Variants in ELFN1 observed in about 807,000 individuals in gnomAD.
ELFN1 encodes protein ELFN1.
In ELFN1, 6 loss-of-function variants were observed where a neutral mutation model predicts 7.6. The observed-to-expected ratio is 0.79, with a 90% CI of 0.43 to 1.56. The LOEUF (loss-of-function observed/expected upper bound fraction) is 1.56. ELFN1 is among the 40% of genes most tolerant of loss of function. The pLI is 0.01. For missense variants in ELFN1, 1,169 were observed against 1,232.2 expected (o/e 0.95, Z 0.77); for synonymous variants, 657 against 588.1 (o/e 1.12, Z -1.70).
chr7:1,724,874 C>G (rs1310242325), intron 3 of ELFN1, among the ~76,000 whole-genome samples: 1 of 152,214 alleles, frequency 6.6e-6, no homozygotes, highest in Non-Finnish European at 1.5e-5. Context: ...CTGTGTCAGC[C>G]TCTTTGCCAA....
At chr7:1,693,091 G>C (rs1562361893) in intron 2 of ELFN1, 1 of 328,486 alleles carries the variant, frequency 3.0e-6, no homozygotes, top group Non-Finnish European at 6.1e-6. Flanking sequence ...AGCTGGGCTG[G>C]CCCGTCCTTC....
chr7:1,715,385 T>C (rs996872539), intron 3 of ELFN1, among the ~76,000 whole-genome samples: 3 of 152,152 alleles, frequency 2.0e-5, no homozygotes, highest in African/African-American at 7.2e-5. Flanking sequence ...CTTCTCCTCA[T>C]AGGAGCCCGG....
At chr7:1,696,132 G>A (rs1270777265) in intron 2 of ELFN1, among the ~76,000 whole-genome samples, 1 of 152,082 alleles carries the variant, frequency 6.6e-6, no homozygotes, top group African/African-American at 2.4e-5. Flanking sequence ...TTTGCAGATG[G>A]CTACCTTCTC....
Position 1,744,781 on chromosome 7 carries a change from T to C in ELFN1, c.185T>C (p.Ile62Thr). The C allele has an allele frequency of 6.4e-7, 1 of 1,555,724 alleles. No homozygotes were observed. Among genetic ancestry groups the C allele is most frequent in the Non-Finnish European group, 8.7e-7 (1 of 1,149,172 alleles). The part of the protein sequence containing the change: ...EAIPQQINST[I>T]VDLRLNENRI... ...ATCCCACAGCAGATCAACAGCACCA[T>C]CGTGGACCTGCGGCTCAACGAGAAC... The change falls in exon 4 of 4, where the codon ATC becomes ACC. Residue 62 changes from isoleucine (I) to threonine (T), a missense_variant. Coordinates refer to ENST00000424383, the MANE Select transcript of ELFN1 (RefSeq NM_001128636.4).
intron 3 of ELFN1, among the ~76,000 whole-genome samples, chr7:1,721,225 C>G (rs947145157): frequency 1.2e-4 from 18 of 152,198 alleles, no homozygotes; most frequent in African/African-American, 4.3e-4. Context: ...TGATCACTCA[C>G]TCACCCTCCT....
rs936896755 is a variant in ELFN1 at position 1,680,251 on chromosome 7, A to G, written c.-548-7807A>G. On this transcript the variant is annotated intron_variant, in intron 1 of 3. Transcript: ENST00000424383. ...TGGAACACCCCTTGGAGGAGTGCCCAAGGCAGATCACGTAGGGGAACAAAT... is the reference window on the plus strand; with the variant it reads ...TGGAACACCCCTTGGAGGAGTGCCCGAGGCAGATCACGTAGGGGAACAAAT... Among the ~76,000 whole-genome samples, 5 of 152,214 alleles carry G rather than the reference A, an allele frequency of 3.3e-5. 1 individual carries two copies. The highest frequency in any genetic ancestry group is 1.2e-4 in the African/African-American group (5 of 41,450).
chr7:1,687,050 C>T (rs984376451), intron 1 of ELFN1, among the ~76,000 whole-genome samples: 2 of 151,968 alleles, frequency 1.3e-5, no homozygotes, highest in African/African-American at 2.4e-5. Flanking sequence ...CAGCCCCTGA[C>T]AGCAAAGCTG....
At chr7:1,693,164 A>T in intron 2 of ELFN1, 1 of 362,438 alleles carries the variant, frequency 2.8e-6, no homozygotes, top group Non-Finnish European at 5.6e-6. Context: ...TAGTGACCAG[A>T]TGCTGGGTTC....
intron 3 of ELFN1, among the ~76,000 whole-genome samples, chr7:1,722,782 T>A (rs1780063199): frequency 6.6e-6 from 1 of 152,200 alleles, no homozygotes; most frequent in Non-Finnish European, 1.5e-5. Context: ...ATAAAATATT[T>A]AATACAATCA....
At chr7:1,724,288 GA>G (rs1323563473) in intron 3 of ELFN1, among the ~76,000 whole-genome samples, 4 of 152,188 alleles carry the variant, frequency 2.6e-5, no homozygotes, top group Non-Finnish European at 5.9e-5. Flanking sequence ...GTGCTGGGCA[GA>G]ACCAGATCAC....
At chr7:1,670,219 C>T (rs910018311), upstream of ELFN1, among the ~76,000 whole-genome samples, 1 of 150,140 alleles carries the variant, frequency 6.7e-6, no homozygotes, top group Admixed American at 6.6e-5. The surrounding 1 kb of genome is among the most constrained non-coding windows in gnomAD (Gnocchi z 6.4). Flanking sequence ...CCCCCGGCCG[C>T]GCGGCGAGGG....
intron 3 of ELFN1, among the ~76,000 whole-genome samples, chr7:1,741,975 CACAG>C (rs146206037): frequency 0.017 from 2,620 of 152,252 alleles, 101 homozygotes; most frequent in East Asian, 0.091. Flanking sequence ...TGTACACACA[CACAG>C]ACAACCTGGC....
In ELFN1 at chr7:1,746,722, G is replaced by C. The variant is rs760423657; in HGVS notation, c.2126G>C (p.Gly709Ala). Reference sequence around the variant, plus strand: ...GGCGAGCACCGGCACTCGTACCCCGGCTCCCACCCGGCCGAGCCACCTGCG... The same window carrying C: ...GGCGAGCACCGGCACTCGTACCCCGCCTCCCACCCGGCCGAGCCACCTGCG... ...QYGEHRHSYPGSHPAEPPAPP... is the reference protein window; with the variant it reads ...QYGEHRHSYPASHPAEPPAPP... The change falls in exon 4 of 4, where the codon GGC becomes GCC. Residue 709 changes from glycine to alanine, a missense_variant. This residue lies in a region of ELFN1 where 914 missense variants were observed against 872.6 expected (regional missense o/e 1.05). Coordinates refer to ENST00000424383, the MANE Select transcript of ELFN1 (RefSeq NM_001128636.4). 1.6e-5 allele frequency: 23 copies of C among 1,479,194 alleles called. No individual in the cohort carries two copies. Among genetic ancestry groups the C allele is most frequent in the Non-Finnish European group, 4.5e-6 (5 of 1,121,526 alleles). The allele number at this position is 1,479,194 out of a possible 1,614,324, so 91.6% of individuals were successfully genotyped here.
intron 3 of ELFN1, among the ~76,000 whole-genome samples, chr7:1,726,489 C>T (rs1780201077): frequency 1.3e-5 from 2 of 152,242 alleles, no homozygotes; most frequent in Admixed American, 1.3e-4. Context: ...CAAGCTGGCC[C>T]AGCTCCCCCG....
intron 3 of ELFN1, among the ~76,000 whole-genome samples, chr7:1,721,674 A>C (rs1780026119): frequency 6.6e-6 from 1 of 152,196 alleles, no homozygotes; most frequent in Non-Finnish European, 1.5e-5. Flanking sequence ...CTCAGTGCCC[A>C]GAGGAAGCCG....
Position 1,745,891 on chromosome 7 carries a change from T to G in ELFN1, c.1295T>G (p.Val432Gly). The G allele has an allele frequency of 6.3e-6, 10 of 1,590,088 alleles. No individual in the cohort carries two copies. Among genetic ancestry groups the G allele is most frequent in the Non-Finnish European group, 8.5e-6 (10 of 1,169,808 alleles). The change falls in exon 4 of 4, where the codon GTG (valine) becomes GGG (glycine). Residue 432 changes from valine (V) to glycine (G), a missense_variant. By Grantham distance (109) the Val-to-Gly change is moderately radical. Transcript: ENST00000424383. ...GGCTGCCTCTTCGGCATGGTGCTGG[T>G]GCTGGGCGCCGTCTACTACTGCCTG... Reference protein sequence around the residue: ...ILGCLFGMVLVLGAVYYCLRR... With the variant: ...ILGCLFGMVLGLGAVYYCLRR...
chr7:1,668,888 C>A (rs984617724), upstream of ELFN1, among the ~76,000 whole-genome samples: 2 of 152,164 alleles, frequency 1.3e-5, no homozygotes, highest in Non-Finnish European at 2.9e-5. Flanking sequence ...AGGGCCCCTG[C>A]CCCCCAGTAT....
intron 1 of ELFN1, among the ~76,000 whole-genome samples, chr7:1,683,022 A>G (rs758771213): frequency 1.2e-3 from 190 of 152,292 alleles, no homozygotes; most frequent in Non-Finnish European, 2.0e-3. Context: ...TTCTACCTAT[A>G]TTTATATGTT....
chr7:1,713,049 T>G (rs147128539), intron 3 of ELFN1, among the ~76,000 whole-genome samples: 4 of 152,340 alleles, frequency 2.6e-5, no homozygotes, highest in Non-Finnish European at 5.9e-5. Context: ...AGTTCTTTCC[T>G]TCCTCCCACA....
Sources: allele counts gnomAD v4.1 joint callset (sites outside exome capture counted in the v4.1 genomes callset), GRCh38; gene constraint gnomAD v4.1.1; regional missense constraint gnomAD v4.1.1; non-coding constraint Gnocchi (gnomAD v3.1); transcripts MANE v1.5; gene names NCBI Gene and HGNC (gene_info 2026-07-23, HGNC 2026-07-21).